Variants in DHX34 observed in about 807,000 individuals in gnomAD.
DHX34 encodes the protein probable ATP-dependent RNA helicase DHX34.
A neutral mutation model predicts 111.1 loss-of-function variants in DHX34; 96 were observed. That is an observed-to-expected ratio of 0.86 (90% CI 0.73 to 1.02). The LOEUF (loss-of-function observed/expected upper bound fraction) is 1.02, where lower values mean the gene tolerates loss of function less well. DHX34 is among the 50% of genes least tolerant of loss of function. The pLI is 0.00. For missense variants in DHX34, 1,560 were observed against 1,579.9 expected, an observed-to-expected ratio of 0.99 and a Z score of 0.21; for synonymous variants, 688 against 670.4, an observed-to-expected ratio of 1.03 and a Z score of -0.41.
intron 14 of DHX34, among the ~76,000 whole-genome samples, chr19:47,380,546 A>G (rs576242750): frequency 6.8e-6 from 1 of 147,596 alleles, no homozygotes; most frequent in African/African-American, 2.6e-5. Flanking sequence ...CCAGACTTGA[A>G]GGTTAGACTC....
intron 11 of DHX34, 157 bp from the exon 12 acceptor site, chr19:47,376,286 C>A: frequency 6.8e-7 from 1 of 1,475,842 alleles, no homozygotes; most frequent in Non-Finnish European, 9.0e-7. Context: ...GAGTCAAGAG[C>A]ACTATAGGAG....
intron 6 of DHX34, among the ~76,000 whole-genome samples, chr19:47,365,821 T>C (rs867800443): frequency 7.9e-5 from 12 of 152,196 alleles, no homozygotes; most frequent in Middle Eastern, 3.2e-3. Context: ...ACATATGCTG[T>C]CACTTAATTC....
At chr19:47,364,697 C>T (rs535088618) in intron 6 of DHX34, among the ~76,000 whole-genome samples, 5 of 152,238 alleles carry the variant, frequency 3.3e-5, no homozygotes, top group South Asian at 2.1e-4. Context: ...TTGATTGCAT[C>T]ACTGCACTCC....
intron 11 of DHX34, 130 bp from the exon 12 acceptor site, chr19:47,376,313 G>A: frequency 2.6e-6 from 4 of 1,521,806 alleles, no homozygotes; most frequent in Non-Finnish European, 3.5e-6. Flanking sequence ...GGGGGCATCT[G>A]CCCCAGATTT....
rs145573719 is a variant in DHX34 at position 47,365,061 on chromosome 19, G to A, written c.1594-1920G>A. Among the ~76,000 whole-genome samples, 5 of 151,838 alleles carry A rather than the reference G, an allele frequency of 3.3e-5. No individual in the cohort carries two copies. The East Asian group carries it at 5.8e-4, about 18-fold the overall frequency. On this transcript the variant is annotated intron_variant, in intron 6 of 16. Transcript: ENST00000328771. ...CTCATCCTCTCTTGTCAGCAGAACC[G>A]GGTCATATGTGTTCACCCTATGCCC...
chr19:47,359,396 G>A (rs1969555189), intron 4 of DHX34, among the ~76,000 whole-genome samples: 2 of 151,620 alleles, frequency 1.3e-5, no homozygotes, highest in Admixed American at 1.3e-4. Flanking sequence ...CAGGAGGTCA[G>A]GGCTGCAGTG....
intron 13 of DHX34, 23 bp downstream of exon 13, chr19:47,377,229 C>T (rs774534723): frequency 6.2e-7 from 1 of 1,601,870 alleles, no homozygotes; most frequent in Non-Finnish European, 8.5e-7. Flanking sequence ...CCCACCCCGC[C>T]CCCATGCCCA....
At position 47,362,457 on chromosome 19, in the gene DHX34, C is replaced by T. The variant is rs370413988; in HGVS notation, c.1376-19C>T. The T allele has an allele frequency of 4.6e-6, 7 of 1,538,392 alleles. No individual in the cohort carries two copies. The highest frequency in any genetic ancestry group is 6.1e-6 in the Non-Finnish European group (7 of 1,140,470). ...TGGCTGCCACACACAGACTCCCTTTCCTCATTGCTCCCATCCAGGAAAGGT... is the reference window on the plus strand; with the variant it reads ...TGGCTGCCACACACAGACTCCCTTTTCTCATTGCTCCCATCCAGGAAAGGT... On this transcript the variant is annotated intron_variant, in intron 5 of 16. Coordinates refer to ENST00000328771, the MANE Select transcript of DHX34 (RefSeq NM_014681.6).
At chr19:47,380,200 T>C (rs1375420854) in intron 14 of DHX34, among the ~76,000 whole-genome samples, 1 of 152,162 alleles carries the variant, frequency 6.6e-6, no homozygotes, top group East Asian at 1.9e-4. Context: ...GAGGCCACAC[T>C]ACCCACTGCT....
chr19:47,373,361 C>A (rs1229952645), intron 8 of DHX34: 1 of 547,588 alleles, frequency 1.8e-6, no homozygotes, highest in Admixed American at 6.4e-5. Context: ...CAGTGACAAC[C>A]CAGAGAGGGC....
At chr19:47,368,906 A>G (rs1969885779) in intron 7 of DHX34, among the ~76,000 whole-genome samples, 1 of 151,250 alleles carries the variant, frequency 6.6e-6, no homozygotes, top group Non-Finnish European at 1.5e-5. Context: ...GTTTTGAGAC[A>G]GTGTTTTTGC....
chr19:47,381,163 C>T (rs1001798766), intron 15 of DHX34, 23 bp from the exon 16 acceptor site: 2 of 1,611,084 alleles, frequency 1.2e-6, no homozygotes, highest in Non-Finnish European at 1.7e-6. Flanking sequence ...GGGGGCCCAG[C>T]CCTGACAGCT....
rs758891281 is a variant in DHX34 at position 47,353,711 on chromosome 19, G to T, written c.681G>T (p.Glu227Asp). ...CACTGGCCAAGCGTGTGGGCTTTGAGAGCCTCAGTCAGTATGGCTCACAGG... is the reference window on the plus strand; with the variant it reads ...CACTGGCCAAGCGTGTGGGCTTTGATAGCCTCAGTCAGTATGGCTCACAGG... ...CISLAKRVGF[E>D]SLSQYGSQVG... The change falls in exon 2 of 17, where the codon GAG becomes GAT. Residue 227 changes from glutamate to aspartate, a missense_variant. By Grantham distance (45) the Glu-to-Asp change is conservative. Coordinates refer to ENST00000328771, the MANE Select transcript of DHX34 (RefSeq NM_014681.6). This position sits in a 1 kb window ranked among gnomAD's most constrained non-coding sequence, Gnocchi z 4.6. The T allele has an allele frequency of 3.7e-6, 6 of 1,603,682 alleles. No individual in the cohort carries two copies. In the East Asian group the frequency reaches 1.1e-4, roughly 30 times the overall value.
chr19:47,380,769 A>C, intron 14 of DHX34, 47 bp from the exon 15 acceptor site: 1 of 1,609,698 alleles, frequency 6.2e-7, no homozygotes, highest in Non-Finnish European at 8.5e-7. Context: ...CTTTGGCGGC[A>C]TCTCCCTGAG....
Position 47,382,121 on chromosome 19 carries a change from C to G in DHX34, c.*8C>G. 1.2e-6 allele frequency: 2 copies of G among 1,613,650 alleles called. No homozygotes were observed. The highest frequency in any genetic ancestry group is 1.1e-5 in the South Asian group (1 of 91,054). ...CGGAAGCAGCACGTGTGAGCTGGGC[C>G]AGGAGCCCTGCCCACCTCCGTGCAG... is the stretch of plus-strand genomic sequence containing the variant. On this transcript the variant is annotated 3_prime_UTR_variant, in exon 17 of 17. Coordinates refer to ENST00000328771, the MANE Select transcript of DHX34 (RefSeq NM_014681.6).
intron 6 of DHX34, among the ~76,000 whole-genome samples, chr19:47,366,150 G>A (rs1396540684): frequency 6.6e-6 from 1 of 152,156 alleles, no homozygotes; most frequent in African/African-American, 2.4e-5. Flanking sequence ...ATTCTGATTG[G>A]TCCAGCTCAG....
intron 4 of DHX34, 30 bp downstream of exon 4, chr19:47,358,150 G>T (rs531246216): frequency 5.0e-6 from 8 of 1,591,640 alleles, no homozygotes; most frequent in Non-Finnish European, 6.9e-6. Flanking sequence ...TGGGGCAGGC[G>T]GGGGGTCTGC....
intron 7 of DHX34, among the ~76,000 whole-genome samples, chr19:47,370,179 CGTGA>C (rs1308959090): frequency 2.6e-5 from 4 of 152,170 alleles, no homozygotes; most frequent in Non-Finnish European, 5.9e-5. Flanking sequence ...CCTGGTTGTG[CGTGA>C]GTGACAGGAA....
rs1213297337 is a variant in DHX34 at position 47,352,968 on chromosome 19, G to A, written c.-63G>A. 5 of 1,531,092 alleles carry A rather than the reference G, an allele frequency of 3.3e-6. No homozygotes were observed. The highest frequency in any genetic ancestry group is 2.5e-5 in the South Asian group (2 of 79,366). The allele number at this position is 1,531,092 out of a possible 1,614,324, so 94.8% of individuals were successfully genotyped here. A position where few individuals can be genotyped will look rare whatever the true frequency, so the allele number is the denominator to read the frequency against. ...TGGCCTCTTAAATTGTTGCAGGTGG[G>A]GAATGGATGAGAATATTTGTTTTGG... On this transcript the variant is annotated 5_prime_UTR_variant, in exon 2 of 17. Coordinates refer to ENST00000328771, the MANE Select transcript of DHX34 (RefSeq NM_014681.6).
Sources: gnomAD v4.1 joint callset for allele counts (sites outside exome capture counted in the v4.1 genomes callset) on GRCh38, gnomAD v4.1.1 for gene constraint, Gnocchi (gnomAD v3.1) non-coding constraint, MANE v1.5 for transcripts, NCBI Gene and HGNC (gene_info 2026-07-23, HGNC 2026-07-21) for gene names.